The following SND1 variants were observed in gnomAD, a reference collection of about 807,000 sequenced individuals.
SND1 encodes the protein staphylococcal nuclease and tudor domain containing 1, also known as staphylococcal nuclease domain-containing protein 1.
Under a neutral mutation model 121.7 loss-of-function variants are expected in SND1, and 38 were observed. The observed-to-expected ratio is 0.31, with a 90% CI of 0.24 to 0.41. The LOEUF (loss-of-function observed/expected upper bound fraction) is 0.41, where lower values mean the gene tolerates loss of function less well. SND1 is among the 10% of genes least tolerant of loss of function. SND1 has a pLI of 1.00. For synonymous variants in SND1, 401 were observed against 447.4 expected (o/e 0.90, Z 1.31); for missense variants, 868 against 1,184.6 (o/e 0.73, Z 3.92).
At chr7:127,773,228 C>T (rs1213932658) in intron 10 of SND1, among the ~76,000 whole-genome samples, 8 of 152,058 alleles carry the variant, frequency 5.3e-5, no homozygotes, top group Middle Eastern at 3.2e-3. Context: ...CCGAGGCGGG[C>T]GGATCACGAG....
chr7:127,923,111 C>T (rs1394545582), intron 14 of SND1, among the ~76,000 whole-genome samples: 1 of 152,154 alleles, frequency 6.6e-6, no homozygotes, highest in East Asian at 1.9e-4. Context: ...GCCTTAGCCT[C>T]CCAAGCAGCT....
chr7:127,940,688 C>G (rs1801177076), intron 15 of SND1, among the ~76,000 whole-genome samples: 1 of 152,170 alleles, frequency 6.6e-6, no homozygotes, highest in Non-Finnish European at 1.5e-5. Flanking sequence ...GCCCCCTTCC[C>G]CAAACTCCAG....
intron 10 of SND1, among the ~76,000 whole-genome samples, chr7:127,793,854 T>G (rs1797961306): frequency 6.6e-6 from 1 of 152,144 alleles, no homozygotes. Context: ...CCTGCCTGTT[T>G]ACTAGGTGCA....
Position 128,092,017 on chromosome 7 carries a change from T to C in SND1, c.2692T>C (p.Phe898Leu). 2 of 1,614,140 alleles carry C rather than the reference T, an allele frequency of 1.2e-6. No individual in the cohort carries two copies. Among genetic ancestry groups the C allele is most frequent in the South Asian group, 1.1e-5 (1 of 91,084 alleles). Residue 898 changes from phenylalanine to leucine, a missense_variant, in exon 24 of 24, where the codon TTT becomes CTT. Physicochemically the swap from Phe to Leu is conservative, Grantham distance 22. This residue lies in a region of SND1 where 743 missense variants were observed against 1,071.3 expected (regional missense o/e 0.69). Transcript: ENST00000354725. This position sits in a 1 kb window ranked among gnomAD's most constrained non-coding sequence, Gnocchi z 4.9. ...ARLNLWRYGDFRADDADEFGY... is the reference protein window; with the variant it reads ...ARLNLWRYGDLRADDADEFGY... The stretch of plus-strand genomic sequence containing the variant: ...GCTGAACCTGTGGCGCTATGGAGAC[T>C]TTCGAGCTGATGATGCAGACGAATT...
chr7:127,884,992 T>A (rs1427525856), intron 12 of SND1, among the ~76,000 whole-genome samples: 1 of 152,092 alleles, frequency 6.6e-6, no homozygotes, highest in East Asian at 1.9e-4. Context: ...GGACACTCAG[T>A]CTTTAATGCC....
chr7:127,752,555 A>T (rs1705263314), intron 10 of SND1, among the ~76,000 whole-genome samples: 1 of 152,214 alleles, frequency 6.6e-6, no homozygotes. Flanking sequence ...AGAGGAATTT[A>T]AAAAGTATAA....
intron 1 of SND1, among the ~76,000 whole-genome samples, chr7:127,656,786 C>A (rs1795218917): frequency 1.3e-5 from 2 of 152,172 alleles, no homozygotes; most frequent in Non-Finnish European, 2.9e-5. Context: ...CAGGAAAAAA[C>A]AAACAAACAA....
At chr7:128,046,406 C>G (rs138030991) in intron 16 of SND1, among the ~76,000 whole-genome samples, 2 of 141,040 alleles carry the variant, frequency 1.4e-5, no homozygotes, top group African/African-American at 2.7e-5. Context: ...CACTCCGTCA[C>G]GCAGGCCAGA....
chr7:128,017,084 CCT>C (rs1051251807), intron 16 of SND1, among the ~76,000 whole-genome samples: 7 of 152,216 alleles, frequency 4.6e-5, no homozygotes, highest in South Asian at 2.1e-4. Flanking sequence ...CCCCACACCC[CCT>C]GTTATGTCAG....
At chr7:128,058,885 T>C (rs1793185771) in intron 16 of SND1, among the ~76,000 whole-genome samples, 2 of 152,092 alleles carry the variant, frequency 1.3e-5, no homozygotes, top group African/African-American at 4.8e-5. Flanking sequence ...CCCCGATCTG[T>C]CTCAGCAGGT....
At chr7:127,705,548 C>T (rs185780088) in intron 8 of SND1, among the ~76,000 whole-genome samples, 27 of 151,946 alleles carry the variant, frequency 1.8e-4, no homozygotes, top group Non-Finnish European at 2.8e-4. Flanking sequence ...AAATATTAGT[C>T]GACATTTCAA....
intron 16 of SND1, among the ~76,000 whole-genome samples, chr7:128,063,494 G>A (rs1337337193): frequency 6.6e-6 from 1 of 152,170 alleles, no homozygotes; most frequent in African/African-American, 2.4e-5. Flanking sequence ...TCTTGAAATA[G>A]GCCTTCTCCA....
At chr7:127,970,567 T>G (rs1426869529) in intron 15 of SND1, among the ~76,000 whole-genome samples, 1 of 152,212 alleles carries the variant, frequency 6.6e-6, no homozygotes, top group East Asian at 1.9e-4. Flanking sequence ...AAGTTTTTTT[T>G]TAAGTTCTGC....
rs1006597089 is a variant in SND1 at position 127,699,055 on chromosome 7, A to T, written c.428+102A>T. 3 of 834,012 alleles carry T rather than the reference A, an allele frequency of 3.6e-6. No individual in the cohort carries two copies. The African/African-American group carries it at 5.1e-5, about 14-fold the overall frequency. The allele number at this position is 834,012 out of a possible 1,614,324, so 51.7% of individuals were successfully genotyped here. ...CATGGGTAACTGCAGGGGCTTTCAC[A>T]CCTTCGCGGACATTCTTGCCCAGGT... On this transcript the variant is annotated intron_variant, in intron 4 of 23. Coordinates refer to ENST00000354725, the MANE Select transcript of SND1 (RefSeq NM_014390.4).
intron 10 of SND1, among the ~76,000 whole-genome samples, chr7:127,784,989 G>A (rs370733501): frequency 5.9e-4 from 90 of 152,208 alleles, no homozygotes; most frequent in Non-Finnish European, 1.1e-3. Flanking sequence ...CACAATCACG[G>A]CTTACTGTAG....
At chr7:127,706,252 T>TCCCCC (rs796132526) in intron 8 of SND1, among the ~76,000 whole-genome samples, 3 of 63,060 alleles carry the variant, frequency 4.8e-5, no homozygotes, top group Admixed American at 1.9e-4. Flanking sequence ...TTGCCCCCCC[T>TCCCCC]CCCCCCCCCC....
At chr7:127,705,396 G>A (rs545513408) in intron 8 of SND1, among the ~76,000 whole-genome samples, 2 of 152,306 alleles carry the variant, frequency 1.3e-5, no homozygotes, top group Admixed American at 6.5e-5. Context: ...TGAGGCCTAT[G>A]CCCTAACTTA....
intron 13 of SND1, among the ~76,000 whole-genome samples, chr7:127,888,606 G>A (rs1241525258): frequency 2.6e-5 from 4 of 152,102 alleles, no homozygotes; most frequent in Non-Finnish European, 1.5e-5. Flanking sequence ...TCTGGCCATT[G>A]TCATCCCTCA....
intron 15 of SND1, among the ~76,000 whole-genome samples, chr7:127,940,001 G>A (rs971184165): frequency 6.6e-6 from 1 of 152,166 alleles, no homozygotes; most frequent in African/African-American, 2.4e-5. Flanking sequence ...CCTATGCAGA[G>A]CTAATGAGGC....
Sources: gnomAD v4.1 joint callset for allele counts (sites outside exome capture counted in the v4.1 genomes callset) on GRCh38, gnomAD v4.1.1 for gene constraint, gnomAD v4.1.1 regional missense constraint, Gnocchi (gnomAD v3.1) non-coding constraint, MANE v1.5 for transcripts, NCBI Gene and HGNC (gene_info 2026-07-23, HGNC 2026-07-21) for gene names.